The following ARHGEF38 variants were observed in gnomAD, a reference collection of about 807,000 sequenced individuals.
ARHGEF38 encodes the protein Rho guanine nucleotide exchange factor (GEF) 38.
ARHGEF38 carries 79 observed loss-of-function variants against 79.9 expected under a neutral mutation model. The observed-to-expected ratio is 0.99, with a 90% CI of 0.82 to 1.19. The LOEUF is 1.19. Ranked by LOEUF, ARHGEF38 falls within the 50% of genes most tolerant of loss-of-function variation. ARHGEF38 has a pLI of 0.00. For missense variants in ARHGEF38, 962 were observed against 907.2 expected (o/e 1.06, Z -0.78); for synonymous variants, 366 against 328.3 (o/e 1.11, Z -1.24).
At chr4:105,588,285 A>G (rs144618023) in intron 1 of ARHGEF38, among the ~76,000 whole-genome samples, 11 of 152,348 alleles carry the variant, frequency 7.2e-5, no homozygotes, top group African/African-American at 2.6e-4. Context: ...TATACCAGTT[A>G]CTAGAATCAT....
chr4:105,616,810 C>T lies in ARHGEF38; in HGVS notation c.508+3303C>T, dbSNP rs77027434. Among the ~76,000 whole-genome samples, 1,182 of 152,224 alleles carry T rather than the reference C, an allele frequency of 7.8e-3. 18 individuals are homozygous for T. The highest frequency in any genetic ancestry group is 0.027 in the African/African-American group (1,140 of 41,532). Reference sequence around the variant, plus strand: ...GCTGAAGCAGCGGCAACATCTATGTCAAAGTTTAGTCATTATTTTTAAAAG... The same window carrying T: ...GCTGAAGCAGCGGCAACATCTATGTTAAAGTTTAGTCATTATTTTTAAAAG... On this transcript the variant is annotated intron_variant, in intron 3 of 13. Coordinates refer to ENST00000420470, the MANE Select transcript of ARHGEF38 (RefSeq NM_001242729.2).
chr4:105,561,428 TA>T lies in ARHGEF38; in HGVS notation c.196+8468del, dbSNP rs1560684333. ...TAGAATAGAATAGAATAGAATGGAATAGAATAGAATAGAATAGAATGGAATA... is the reference window on the plus strand; with the variant it reads ...TAGAATAGAATAGAATAGAATGGAATGAATAGAATAGAATAGAATGGAATA... On this transcript the variant is annotated intron_variant, in intron 1 of 13. Transcript: ENST00000420470. Among the ~76,000 whole-genome samples, 67 of 46,944 alleles carry T rather than the reference TA, an allele frequency of 1.4e-3. 3 individuals are homozygous for T. Among genetic ancestry groups the T allele is most frequent in the African/African-American group, 4.0e-3 (38 of 9,438 alleles). 30.8% of individuals were successfully genotyped at this position (46,944 alleles called of 152,430 possible).
chr4:105,643,185 A>G (rs948981251), intron 5 of ARHGEF38, among the ~76,000 whole-genome samples: 3 of 151,022 alleles, frequency 2.0e-5, no homozygotes, highest in Non-Finnish European at 4.4e-5. Flanking sequence ...TTTATAATAG[A>G]TTTATTTTTA....
intron 3 of ARHGEF38, among the ~76,000 whole-genome samples, chr4:105,621,224 T>G (rs1323728808): frequency 1.3e-5 from 2 of 152,198 alleles, no homozygotes; most frequent in Non-Finnish European, 2.9e-5. Flanking sequence ...TCTACAAAAT[T>G]GTGACAGAAA....
intron 2 of ARHGEF38, among the ~76,000 whole-genome samples, chr4:105,589,971 A>C (rs570115460): frequency 1.3e-4 from 20 of 151,230 alleles, no homozygotes; most frequent in Non-Finnish European, 2.7e-4. Context: ...CCCGGGAGAC[A>C]GAGGTTGCAA....
In ARHGEF38 at chr4:105,561,464, A is replaced by AGAATAGAATGGAATGGAATG. The variant is rs1578253586; in HGVS notation, c.196+8512_196+8513insGGAATGGAATGGAATAGAAT. On this transcript the variant is annotated intron_variant, in intron 1 of 13. Coordinates refer to ENST00000420470, the MANE Select transcript of ARHGEF38 (RefSeq NM_001242729.2). ...AGAATAGAATGGAATAGAATAGAAT[A>AGAATAGAATGGAATGGAATG]GAATAGAATAGAATAGAATAGAATA... The AGAATAGAATGGAATGGAATG allele has an allele frequency of 3.1e-3, 138 of 44,582 alleles. 10 individuals carry two copies. Among genetic ancestry groups the AGAATAGAATGGAATGGAATG allele is most frequent in the Non-Finnish European group, 3.5e-3 (75 of 21,638 alleles). 2.8% of individuals were successfully genotyped at this position (44,582 alleles called of 1,614,324 possible).
At position 105,648,590 on chromosome 4, in the gene ARHGEF38, G is replaced by A; in HGVS notation, c.916G>A (p.Asp306Asn). The change falls in exon 7 of 14, where the codon GAC becomes AAC. Residue 306 changes from aspartate to asparagine, a missense_variant. By Grantham distance (23) the Asp-to-Asn change is conservative. Transcript: ENST00000420470. ...KKNDEDESLKDKLSKLNIHSI... is the reference protein window; with the variant it reads ...KKNDEDESLKNKLSKLNIHSI... The stretch of plus-strand genomic sequence containing the variant: ...GAATGACGAGGATGAATCACTTAAA[G>A]ACAAATTGTCTAAACTAAATATTCA... The A allele has an allele frequency of 3.3e-6, 5 of 1,529,948 alleles. No individual in the cohort carries two copies. Among genetic ancestry groups the A allele is most frequent in the Non-Finnish European group, 4.4e-6 (5 of 1,144,668 alleles). The allele number at this position is 1,529,948 out of a possible 1,614,324, so 94.8% of individuals were successfully genotyped here. A position where few individuals can be genotyped will look rare whatever the true frequency, so the allele number is the denominator to read the frequency against.
chr4:105,612,861 A>C (rs1396744295), intron 2 of ARHGEF38, among the ~76,000 whole-genome samples: 2 of 152,160 alleles, frequency 1.3e-5, no homozygotes, highest in Non-Finnish European at 2.9e-5. Flanking sequence ...ACAAAATATA[A>C]TGAATCCTTA....
At chr4:105,561,945 T>C (rs1473803750) in intron 1 of ARHGEF38, among the ~76,000 whole-genome samples, 2 of 152,150 alleles carry the variant, frequency 1.3e-5, no homozygotes, top group Non-Finnish European at 2.9e-5. Context: ...AGGAAATACA[T>C]GGGAGAAGCT....
intron 10 of ARHGEF38, among the ~76,000 whole-genome samples, chr4:105,663,558 T>G (rs535133531): frequency 6.6e-6 from 1 of 152,326 alleles, no homozygotes; most frequent in South Asian, 2.1e-4. Context: ...AATCATACAG[T>G]GTTTGTCTCT....
intron 2 of ARHGEF38, among the ~76,000 whole-genome samples, chr4:105,598,942 C>CAT (rs1190731278): frequency 6.6e-6 from 1 of 152,156 alleles, no homozygotes; most frequent in Non-Finnish European, 1.5e-5. Context: ...TGTGTTAATA[C>CAT]ATAATATCTA....
chr4:105,672,662 G>A (rs1398106756), intron 13 of ARHGEF38, among the ~76,000 whole-genome samples: 1 of 152,166 alleles, frequency 6.6e-6, no homozygotes, highest in East Asian at 1.9e-4. Flanking sequence ...CTCAGGGGCT[G>A]TTGTCAGGAG....
rs565856977 is a variant in ARHGEF38, at chr4:105,623,236, C to T, written c.509-7662C>T. Among the ~76,000 whole-genome samples, 3 of 152,264 alleles carry T rather than the reference C, an allele frequency of 2.0e-5. No individual in the cohort carries two copies. The South Asian group carries it at 6.2e-4, about 32-fold the overall frequency. ...GGATGAAATTAGAGATAATAGTAAG[C>T]GTGCAGTGCATTGGCTGGCACACAG... On this transcript the variant is annotated intron_variant, in intron 3 of 13. Coordinates refer to ENST00000420470, the MANE Select transcript of ARHGEF38 (RefSeq NM_001242729.2).
In ARHGEF38 at chr4:105,655,673, T is replaced by A. The variant is rs190046041; in HGVS notation, c.1184T>A (p.Met395Lys). 2.0e-6 allele frequency: 3 copies of A among 1,535,876 alleles called. No homozygotes were observed. Among genetic ancestry groups the A allele is most frequent in the Non-Finnish European group, 2.6e-6 (3 of 1,146,686 alleles). Residue 395 changes from methionine (M) to lysine (K), a missense_variant, in exon 9 of 14, where the codon ATG becomes AAG. Met to Lys is a moderately conservative substitution (Grantham distance 95). Coordinates refer to ENST00000420470, the MANE Select transcript of ARHGEF38 (RefSeq NM_001242729.2). ...ATTTCATACAACAAAGACGATGAGA[T>A]GGACTATTCTGAGACCCTAAGTAAT... ...QEISYNKDDE[M>K]DYSETLSNAL...
intron 2 of ARHGEF38, among the ~76,000 whole-genome samples, chr4:105,595,697 T>C (rs1241818741): frequency 6.6e-6 from 1 of 152,124 alleles, no homozygotes; most frequent in Admixed American, 6.5e-5. Context: ...AATGGTTACA[T>C]TTACACATAA....
chr4:105,586,464 G>A (rs2110450812), intron 1 of ARHGEF38, among the ~76,000 whole-genome samples: 1 of 152,202 alleles, frequency 6.6e-6, no homozygotes, highest in Non-Finnish European at 1.5e-5. Flanking sequence ...AAGTTGTTGA[G>A]CAGTATTGGA....
intron 1 of ARHGEF38, among the ~76,000 whole-genome samples, 182 bp downstream of exon 1, chr4:105,553,143 G>A (rs914223282): frequency 5.3e-5 from 8 of 152,054 alleles, no homozygotes; most frequent in Non-Finnish European, 7.4e-5. Context: ...AATTTATTAC[G>A]TGATTCAATG....
intron 1 of ARHGEF38, among the ~76,000 whole-genome samples, chr4:105,585,324 G>A (rs142357996): frequency 8.5e-5 from 13 of 152,310 alleles, no homozygotes; most frequent in African/African-American, 3.1e-4. Context: ...GGCTCTGTGA[G>A]GATAACTATT....
At chr4:105,581,137 T>C (rs769394247) in intron 1 of ARHGEF38, among the ~76,000 whole-genome samples, 7 of 152,116 alleles carry the variant, frequency 4.6e-5, no homozygotes, top group East Asian at 1.9e-4. Context: ...CGTAGCCCCA[T>C]ACAGGATTCC....
Sources: allele counts gnomAD v4.1 joint callset (sites outside exome capture counted in the v4.1 genomes callset), GRCh38; gene constraint gnomAD v4.1.1; transcripts MANE v1.5; gene names NCBI Gene and HGNC (gene_info 2026-07-23, HGNC 2026-07-21).